Variants in ASPG observed in about 807,000 individuals in gnomAD.
ASPG encodes the protein 60 kDa lysophospholipase.
Under a neutral mutation model 63.2 loss-of-function variants are expected in ASPG, and 53 were observed. That is an observed-to-expected ratio of 0.84 (90% CI 0.67 to 1.05). ASPG has a LOEUF of 1.05. ASPG is among the 50% of genes least tolerant of loss of function. The probability of loss-of-function intolerance (pLI) is 0.00; values close to 1 mark genes in which losing one functional copy is unlikely to be tolerated. For missense variants in ASPG, 741 were observed against 794.4 expected (o/e 0.93, Z 0.81); for synonymous variants, 370 against 355.0 (o/e 1.04, Z -0.48).
rs1445286880 is a variant in ASPG at position 104,109,459 on chromosome 14, C to T, written c.1520+144C>T. On this transcript the variant is annotated intron_variant, in intron 13 of 15. Transcript: ENST00000551177. This position sits in a 1 kb window ranked among gnomAD's most constrained non-coding sequence, Gnocchi z 4.8. ...GCCCGCTGACCTCAGTGTGCACCAACCTGGCTGATGGGAAGAGGTGTCTAC... is the reference window on the plus strand; with the variant it reads ...GCCCGCTGACCTCAGTGTGCACCAATCTGGCTGATGGGAAGAGGTGTCTAC... 2 of 882,184 alleles carry T rather than the reference C, an allele frequency of 2.3e-6. No individual in the cohort carries two copies. The highest frequency in any genetic ancestry group is 3.4e-6 in the Non-Finnish European group (2 of 588,354). The allele number at this position is 882,184 out of a possible 1,614,324, so 54.6% of individuals were successfully genotyped here. A position where few individuals can be genotyped will look rare whatever the true frequency, so the allele number is the denominator to read the frequency against.
At chr14:104,097,671 TG>T in intron 5 of ASPG, 34 bp downstream of exon 5, 1 of 1,546,066 alleles carries the variant, frequency 6.5e-7, no homozygotes, top group Non-Finnish European at 8.7e-7. Context: ...GCGGGGCAGG[TG>T]GGGTGGGGGC....
chr14:104,098,741 C>G (rs1184879379), intron 5 of ASPG, 112 bp from the exon 6 acceptor site: 2 of 1,501,104 alleles, frequency 1.3e-6, no homozygotes, highest in African/African-American at 2.7e-5. Flanking sequence ...GGTTACAGTC[C>G]CACCTCCCCC....
intron 13 of ASPG, chr14:104,111,064 G>A: frequency 1.0e-6 from 1 of 985,454 alleles, no homozygotes; most frequent in Non-Finnish European, 1.2e-6. Flanking sequence ...CCCGCCCCGG[G>A]AAGAGCGGTG....
rs1382244483 is a variant in ASPG at position 104,103,592 on chromosome 14, G to A, written c.670G>A (p.Gly224Arg). The change falls in exon 7 of 16, where the codon GGG becomes AGG. Residue 224 changes from glycine (G) to arginine (R), a missense_variant. Transcript: ENST00000551177. The stretch of plus-strand genomic sequence containing the variant: ...CAGGGAGCTGGTGCGGAAGGTGGAC[G>A]GGAAGGCTGGGCTGGTGGTGCACAG... ...INRELVRKVD[G>R]KAGLVVHSSM... 13 of 1,548,024 alleles carry A rather than the reference G, an allele frequency of 8.4e-6. No individual in the cohort carries two copies. The highest frequency in any genetic ancestry group is 4.9e-5 in the East Asian group (2 of 40,916).
chr14:104,114,117 C>A lies in ASPG; in HGVS notation c.*1573C>A, dbSNP rs552835560. 6.6e-6 allele frequency: 1 copy of A among 152,416 alleles called. No homozygotes were observed. The highest frequency in any genetic ancestry group is 1.9e-4 in the East Asian group (1 of 5,180). 9.4% of individuals were successfully genotyped at this position (152,416 alleles called of 1,614,324 possible). A position where few individuals can be genotyped will look rare whatever the true frequency, so the allele number is the denominator to read the frequency against. On this transcript the variant is annotated 3_prime_UTR_variant, in exon 16 of 16. Transcript: ENST00000551177. ...GGCTGGGCAGAGCCTGTTGCTCACG[C>A]CACCCCACTCAGTGCTGCTCCGGGT... is the stretch of plus-strand genomic sequence containing the variant.
chr14:104,109,897 A>G lies in ASPG; in HGVS notation c.1520+582A>G, dbSNP rs118026981. ...GCCGAGTGACCACCGAGGCAGGCTC[A>G]GGCCTTCTGACATCATGTTGTTGTT... On this transcript the variant is annotated intron_variant, in intron 13 of 15. Coordinates refer to ENST00000551177, the MANE Select transcript of ASPG (RefSeq NM_001080464.3). This position sits in a 1 kb window ranked among gnomAD's most constrained non-coding sequence, Gnocchi z 4.8. 35,904 of 957,216 alleles carry G rather than the reference A, an allele frequency of 0.038. 745 individuals are homozygous for G. Among genetic ancestry groups the G allele is most frequent in the Non-Finnish European group, 0.041 (33,294 of 804,336 alleles). The allele number at this position is 957,216 out of a possible 1,614,324, so 59.3% of individuals were successfully genotyped here. A position where few individuals can be genotyped will look rare whatever the true frequency, so the allele number is the denominator to read the frequency against.
In ASPG at chr14:104,111,563, G is replaced by C. The variant is rs1213556159; in HGVS notation, c.1582G>C (p.Gly528Arg). 16 of 1,551,740 alleles carry C rather than the reference G, an allele frequency of 1.0e-5. No homozygotes were observed. The highest frequency in any genetic ancestry group is 1.7e-4 in the Middle Eastern group (1 of 5,828). The change falls in exon 14 of 16, where the codon GGG becomes CGG. Residue 528 changes from glycine (G) to arginine (R), a missense_variant. Physicochemically the swap from Gly to Arg is moderately radical, Grantham distance 125. Transcript: ENST00000551177. ...GTGGTGGCAGGCAGGGGCTGACCTG[G>C]GGCAGCCGGGCTATGACGGGCACAG... The part of the protein sequence containing the change: ...QVWWQAGADL[G>R]QPGYDGHSAL...
chr14:104,099,775 A>T (rs2036790276), intron 6 of ASPG, among the ~76,000 whole-genome samples: 2 of 152,282 alleles, frequency 1.3e-5, no homozygotes, highest in South Asian at 4.1e-4. Flanking sequence ...TGCTGTTTCA[A>T]GGCAGCCCCA....
intron 4 of ASPG, among the ~76,000 whole-genome samples, chr14:104,096,094 G>C (rs1239296597): frequency 6.6e-6 from 1 of 152,236 alleles, no homozygotes; most frequent in Non-Finnish European, 1.5e-5. Context: ...TGTGGGTCTA[G>C]GCGATGCCAT....
At position 104,106,783 on chromosome 14, in the gene ASPG, C is replaced by T. The variant is rs748352326; in HGVS notation, c.1174-16C>T. On this transcript the variant is annotated splice_polypyrimidine_tract_variant and intron_variant, in intron 10 of 15. Coordinates refer to ENST00000551177, the MANE Select transcript of ASPG (RefSeq NM_001080464.3). ...AAGGGAGGCGTGGGTCCCAGGGTGC[C>T]GCCTTCCCCACCTAGGAGGCAGATG... 10 of 1,573,982 alleles carry T rather than the reference C, an allele frequency of 6.4e-6. No homozygotes were observed. Among genetic ancestry groups the T allele is most frequent in the African/African-American group, 2.7e-5 (2 of 74,050 alleles).
chr14:104,112,188 A>G (rs970133508), intron 15 of ASPG, among the ~76,000 whole-genome samples, 188 bp downstream of exon 15: 2 of 152,014 alleles, frequency 1.3e-5, no homozygotes, highest in Non-Finnish European at 2.9e-5. Context: ...AGAGGTGAGG[A>G]GAAGGAGAAA....
At chr14:104,094,685 C>T (rs1011904050) in intron 3 of ASPG, among the ~76,000 whole-genome samples, 1 of 152,216 alleles carries the variant, frequency 6.6e-6, no homozygotes, top group East Asian at 1.9e-4. Flanking sequence ...AGCCGGCAGC[C>T]CTCACCGGGC....
chr14:104,093,690 TGTG>T, intron 3 of ASPG, 88 bp downstream of exon 3: 1 of 841,694 alleles, frequency 1.2e-6, no homozygotes, highest in East Asian at 3.8e-5. Context: ...TGGGTGGGGC[TGTG>T]GAGAGTGGGC....
Position 104,110,346 on chromosome 14 carries a change from C to T in ASPG, c.1520+1031C>T. The T allele has an allele frequency of 1.0e-6, 1 of 985,386 alleles. No homozygotes were observed. Among genetic ancestry groups the T allele is most frequent in the Non-Finnish European group, 1.2e-6 (1 of 829,902 alleles). 61.0% of individuals were successfully genotyped at this position (985,386 alleles called of 1,614,324 possible). A position where few individuals can be genotyped will look rare whatever the true frequency, so the allele number is the denominator to read the frequency against. On this transcript the variant is annotated intron_variant, in intron 13 of 15. Coordinates refer to ENST00000551177, the MANE Select transcript of ASPG (RefSeq NM_001080464.3). This position sits in a 1 kb window ranked among gnomAD's most constrained non-coding sequence, Gnocchi z 4.7. ...CTTCTCCTCTGGGACCGGCCCACAA[C>T]CCCTGGTCTTGCTTTTGAAGGGACT...
chr14:104,085,828 A>G lies in ASPG; in HGVS notation c.58A>G (p.Ile20Val). 1 of 1,590,974 alleles carries G rather than the reference A, an allele frequency of 6.3e-7. No homozygotes were observed. ...RLLAVYTGGT[I>V]GMRSELGVLV... ...GCTGGCCGTCTACACCGGCGGCACC[A>G]TTGGCATGCGGAGTGAGCTCGGCGG... Residue 20 changes from isoleucine to valine, a missense_variant, in exon 1 of 16, where the codon ATT (isoleucine) becomes GTT (valine). By Grantham distance (29) the Ile-to-Val change is conservative. Transcript: ENST00000551177.
In ASPG at chr14:104,110,539, G is replaced by C. The variant is rs80022626; in HGVS notation, c.1521-963G>C. ...CCAGCCTGAGCTGCTGGCTGGACTT[G>C]AGCCCCTCGGCTAGGCCTTCCTAGG... On this transcript the variant is annotated intron_variant, in intron 13 of 15. Coordinates refer to ENST00000551177, the MANE Select transcript of ASPG (RefSeq NM_001080464.3). This position sits in a 1 kb window ranked among gnomAD's most constrained non-coding sequence, Gnocchi z 4.7. 1 of 985,368 alleles carries C rather than the reference G, an allele frequency of 1.0e-6. No individual in the cohort carries two copies. The highest frequency in any genetic ancestry group is 1.2e-6 in the Non-Finnish European group (1 of 829,880). The allele number at this position is 985,368 out of a possible 1,614,324, so 61.0% of individuals were successfully genotyped here. A position where few individuals can be genotyped will look rare whatever the true frequency, so the allele number is the denominator to read the frequency against.
Position 104,095,690 on chromosome 14 carries a change from G to T in ASPG, c.429+34G>T, listed in dbSNP as rs755200510. On this transcript the variant is annotated intron_variant, in intron 4 of 15. Coordinates refer to ENST00000551177, the MANE Select transcript of ASPG (RefSeq NM_001080464.3). ...AGGGGCCCGGGGCTCCTAGGAACAG[G>T]GGCTTCCTGAGGCCACAGGGCAAGT... 9 of 1,610,494 alleles carry T rather than the reference G, an allele frequency of 5.6e-6. No homozygotes were observed. The African/African-American group carries it at 1.1e-4, about 19-fold the overall frequency.
chr14:104,103,756 G>A, intron 7 of ASPG, 81 bp downstream of exon 7: 2 of 1,277,912 alleles, frequency 1.6e-6, no homozygotes, highest in Non-Finnish European at 1.1e-6. Context: ...AGGCTCCCTG[G>A]GGCCCTCACC....
chr14:104,110,935 C>G lies in ASPG; in HGVS notation c.1521-567C>G. 2 of 985,396 alleles carry G rather than the reference C, an allele frequency of 2.0e-6. No homozygotes were observed. The highest frequency in any genetic ancestry group is 3.5e-5 in the African/African-American group (2 of 57,332). The allele number at this position is 985,396 out of a possible 1,614,324, so 61.0% of individuals were successfully genotyped here. ...AGGTGGGCCCAGACCCCTGTCCCAG[C>G]CAGGACCCCCCCATGCAGTCTGCCG... On this transcript the variant is annotated intron_variant, in intron 13 of 15. Coordinates refer to ENST00000551177, the MANE Select transcript of ASPG (RefSeq NM_001080464.3). The surrounding 1 kb of genome is among the most constrained non-coding windows in gnomAD (Gnocchi z 4.7).
Sources: gnomAD v4.1 joint callset for allele counts (sites outside exome capture counted in the v4.1 genomes callset) on GRCh38, gnomAD v4.1.1 for gene constraint, Gnocchi (gnomAD v3.1) non-coding constraint, MANE v1.5 for transcripts, NCBI Gene and HGNC (gene_info 2026-07-23, HGNC 2026-07-21) for gene names.